MYH10: variants seen among roughly 807,000 people sequenced by gnomAD.
MYH10 encodes the protein myosin heavy chain 10.
A neutral mutation model predicts 257.8 loss-of-function variants in MYH10; 55 were observed. That is an observed-to-expected ratio of 0.21 (90% CI 0.17 to 0.27). MYH10 has a LOEUF of 0.27. Ranked by LOEUF, MYH10 falls within the 10% of genes least tolerant of loss-of-function variation. The probability of loss-of-function intolerance (pLI) is 1.00; values close to 1 mark genes in which losing one functional copy is unlikely to be tolerated. For missense variants in MYH10, 1,631 were observed against 2,500.6 expected, an observed-to-expected ratio of 0.65 and a Z score of 7.42; for synonymous variants, 854 against 921.7, an observed-to-expected ratio of 0.93 and a Z score of 1.33.
intron 4 of MYH10, among the ~76,000 whole-genome samples, chr17:8,585,317 G>GATATAT (rs1555610544): frequency 2.7e-5 from 1 of 37,286 alleles, no homozygotes; most frequent in African/African-American, 9.0e-5. Flanking sequence ...GCTACATATG[G>GATATAT]AAAGTTTGTG....
intron 7 of MYH10, among the ~76,000 whole-genome samples, chr17:8,564,719 C>T (rs192715097): frequency 2.0e-5 from 3 of 152,210 alleles, no homozygotes; most frequent in South Asian, 2.1e-4. Context: ...CATAAATATA[C>T]CTGTGGGGCA....
intron 7 of MYH10, among the ~76,000 whole-genome samples, chr17:8,558,491 AAAAC>A (rs1359553758): frequency 1.1e-4 from 16 of 152,246 alleles, no homozygotes; most frequent in Non-Finnish European, 1.3e-4. Context: ...TCACTTGAAA[AAAAC>A]AAACAAAAAA....
intron 4 of MYH10, among the ~76,000 whole-genome samples, chr17:8,578,499 T>C (rs2083585591): frequency 6.6e-6 from 1 of 152,170 alleles, no homozygotes; most frequent in Non-Finnish European, 1.5e-5. Flanking sequence ...CTGCCCAGCC[T>C]GTGTTTTGTT....
At position 8,474,254 on chromosome 17, in the gene MYH10, A is replaced by C. The variant is rs1912143179; in HGVS notation, c.*1550T>G. The C allele has an allele frequency of 2.0e-5, 3 of 152,770 alleles. No homozygotes were observed. In the South Asian group the frequency reaches 6.2e-4, roughly 32 times the overall value. 9.5% of individuals were successfully genotyped at this position (152,770 alleles called of 1,614,324 possible). ...GTTTATTGAGGTCTCTTTATTCTCC[A>C]CGGGTGCTTTTTTCTTCAAGTAAAC... On this transcript the variant is annotated 3_prime_UTR_variant, in exon 43 of 43. Coordinates refer to ENST00000360416, the MANE Select transcript of MYH10 (RefSeq NM_001256012.3).
intron 4 of MYH10, among the ~76,000 whole-genome samples, chr17:8,578,197 T>C (rs2083570109): frequency 6.6e-6 from 1 of 151,902 alleles, no homozygotes; most frequent in Non-Finnish European, 1.5e-5. Context: ...GCAGGGGCTA[T>C]AGCCTCATAT....
intron 12 of MYH10, 84 bp downstream of exon 12, chr17:8,546,460 G>T: frequency 9.4e-7 from 1 of 1,064,628 alleles, no homozygotes; most frequent in Non-Finnish European, 1.4e-6. Context: ...TATTGATTCA[G>T]TTTGTTACAT....
chr17:8,517,501 G>A (rs1244819557), intron 21 of MYH10, among the ~76,000 whole-genome samples: 1 of 152,182 alleles, frequency 6.6e-6, no homozygotes, highest in East Asian at 1.9e-4. Context: ...CAAACCCGAA[G>A]TGTTCAGTAG....
chr17:8,615,131 TA>T (rs2085205418), intron 2 of MYH10, among the ~76,000 whole-genome samples: 2 of 152,116 alleles, frequency 1.3e-5, no homozygotes, highest in South Asian at 2.1e-4. Context: ...CCATCTCTAT[TA>T]AAAAATACAG....
intron 38 of MYH10, 199 bp from the exon 39 acceptor site, chr17:8,480,724 C>T (rs1913602082): frequency 1.9e-5 from 13 of 672,784 alleles, no homozygotes; most frequent in Non-Finnish European, 3.3e-5. Context: ...GCTGCCACCA[C>T]CCAGATGCAG....
At chr17:8,577,872 G>A (rs1419220012) in intron 4 of MYH10, among the ~76,000 whole-genome samples, 2 of 152,146 alleles carry the variant, frequency 1.3e-5, no homozygotes, top group East Asian at 3.9e-4. Flanking sequence ...AGAGGACACA[G>A]GAAAATGTTC....
rs1424897173 is a variant in MYH10 at position 8,477,689 on chromosome 17, T to C, written c.5707-641A>G. ...AGGTTGCCTGACTGAATGAATGAAGTTGGGGAGGGTTCGGGCCAAAGGCAG... is the reference window on the plus strand; with the variant it reads ...AGGTTGCCTGACTGAATGAATGAAGCTGGGGAGGGTTCGGGCCAAAGGCAG... On this transcript the variant is annotated intron_variant, in intron 41 of 42. Transcript: ENST00000360416. The surrounding 1 kb of genome is among the most constrained non-coding windows in gnomAD (Gnocchi z 4.2). 2.0e-5 allele frequency among the ~76,000 whole-genome samples: 3 copies of C among 152,032 alleles called. No homozygotes were observed. The highest frequency in any genetic ancestry group is 7.2e-5 in the African/African-American group (3 of 41,396).
intron 25 of MYH10, among the ~76,000 whole-genome samples, chr17:8,509,008 T>C (rs1281784982): frequency 6.6e-6 from 1 of 152,212 alleles, no homozygotes; most frequent in Non-Finnish European, 1.5e-5. Flanking sequence ...TGTACAGCAA[T>C]GTCCTAGGCC....
At chr17:8,555,878 G>A (rs1342220157) in intron 7 of MYH10, among the ~76,000 whole-genome samples, 1 of 128,436 alleles carries the variant, frequency 7.8e-6, no homozygotes, top group African/African-American at 2.8e-5. Context: ...ATAATATTTG[G>A]GAAACACATG....
chr17:8,518,288 C>T (rs2081540075), intron 21 of MYH10, among the ~76,000 whole-genome samples: 2 of 152,038 alleles, frequency 1.3e-5, no homozygotes, highest in African/African-American at 4.8e-5. Flanking sequence ...CGCATGCTAC[C>T]AAGCCTGGCT....
chr17:8,541,766 TAA>T (rs1216316960), intron 14 of MYH10, among the ~76,000 whole-genome samples: 2 of 152,128 alleles, frequency 1.3e-5, no homozygotes, highest in Non-Finnish European at 2.9e-5. Flanking sequence ...CTCAGCTAAA[TAA>T]AGTGTCAGGT....
At position 8,477,164 on chromosome 17, in the gene MYH10, T is replaced by A; in HGVS notation, c.5707-116A>T. 2 of 1,054,506 alleles carry A rather than the reference T, an allele frequency of 1.9e-6. No individual in the cohort carries two copies. Among genetic ancestry groups the A allele is most frequent in the Non-Finnish European group, 2.7e-6 (2 of 736,444 alleles). The allele number at this position is 1,054,506 out of a possible 1,614,324, so 65.3% of individuals were successfully genotyped here. Reference sequence around the variant, plus strand: ...CCTGTTACCCTTGTGAGCACGCGTGTACACGGATGTACACGCGTGCCTGGG... The same window carrying A: ...CCTGTTACCCTTGTGAGCACGCGTGAACACGGATGTACACGCGTGCCTGGG... On this transcript the variant is annotated intron_variant, in intron 41 of 42. Coordinates refer to ENST00000360416, the MANE Select transcript of MYH10 (RefSeq NM_001256012.3). The surrounding 1 kb of genome is among the most constrained non-coding windows in gnomAD (Gnocchi z 4.2).
intron 3 of MYH10, among the ~76,000 whole-genome samples, chr17:8,599,942 C>T (rs1194497911): frequency 2.0e-5 from 3 of 152,180 alleles, no homozygotes; most frequent in African/African-American, 7.2e-5. Flanking sequence ...GAATGGGAAA[C>T]AAGCCATCAG....
intron 27 of MYH10, among the ~76,000 whole-genome samples, chr17:8,505,371 G>C (rs958419557): frequency 4.6e-5 from 7 of 152,144 alleles, no homozygotes; most frequent in Admixed American, 1.3e-4. Flanking sequence ...TACCCTCCAG[G>C]TGCCTCTCTT....
intron 6 of MYH10, among the ~76,000 whole-genome samples, chr17:8,573,183 C>T (rs2083402696): frequency 6.6e-6 from 1 of 152,208 alleles, no homozygotes; most frequent in Non-Finnish European, 1.5e-5. Flanking sequence ...ATAATATACA[C>T]TTGCTATATG....
Sources: gnomAD v4.1 joint callset for allele counts (sites outside exome capture counted in the v4.1 genomes callset) on GRCh38, gnomAD v4.1.1 for gene constraint, Gnocchi (gnomAD v3.1) non-coding constraint, MANE v1.5 for transcripts, NCBI Gene and HGNC (gene_info 2026-07-23, HGNC 2026-07-21) for gene names.